The following SHISA9 variants were observed in gnomAD, a reference collection of about 807,000 sequenced individuals.
SHISA9 encodes the protein protein shisa-9.
SHISA9 carries 13 observed loss-of-function variants against 38.0 expected under a neutral mutation model. That is an observed-to-expected ratio of 0.34 (90% CI 0.22 to 0.54). The LOEUF is 0.54. SHISA9 is among the 20% of genes least tolerant of loss of function. The pLI, the probability that SHISA9 is intolerant of heterozygous loss-of-function variation, is 0.91. For missense variants in SHISA9, 538 were observed against 575.8 expected (o/e 0.93, Z 0.67); for synonymous variants, 275 against 242.0 (o/e 1.14, Z -1.27).
chr16:13,211,369 T>C (rs953420082), intron 3 of SHISA9, among the ~76,000 whole-genome samples: 2 of 151,996 alleles, frequency 1.3e-5, no homozygotes, highest in African/African-American at 4.8e-5. Flanking sequence ...TGAACTCTAG[T>C]GTATTTGAGG....
At chr16:13,503,403 T>A in the SHISA9 span, among the ~76,000 whole-genome samples, 1 of 152,228 alleles carries the variant, frequency 6.6e-6, no homozygotes, top group Non-Finnish European at 1.5e-5. Flanking sequence ...TTTTCATGAT[T>A]CTATGAATTG....
chr16:12,902,479 G>A lies in SHISA9; in HGVS notation c.415G>A (p.Asp139Asn). Residue 139 changes from aspartate (D) to asparagine (N), a missense_variant, in exon 1 of 5, where the codon GAC becomes AAC. Transcript: ENST00000558583. ...CACCGGCAAGCCCCCCGCCCGCAAGGACGACCCCTTGCACGACCCCACCAA... is the reference window on the plus strand; with the variant it reads ...CACCGGCAAGCCCCCCGCCCGCAAGAACGACCCCTTGCACGACCCCACCAA... ...LNTGKPPARK[D>N]DPLHDPTKDK... is the part of the protein sequence containing the mutation. 1 of 1,551,496 alleles carries A rather than the reference G, an allele frequency of 6.4e-7. No homozygotes were observed. The highest frequency in any genetic ancestry group is 1.2e-5 in the South Asian group (1 of 84,058).
At chr16:13,329,313 C>T in the SHISA9 span, among the ~76,000 whole-genome samples, 2 of 152,116 alleles carry the variant, frequency 1.3e-5, no homozygotes, top group South Asian at 2.1e-4. Context: ...ATTAAACCTC[C>T]GCTCCTAAAT....
chr16:13,139,394 TTTCCTTCC>T (rs71147783), intron 2 of SHISA9, among the ~76,000 whole-genome samples: 1,504 of 95,048 alleles, frequency 0.016, 19 homozygotes, highest in South Asian at 0.032. Context: ...CCCTTCCTTC[TTTCCTTCC>T]TTCCTTCCTT....
At chr16:13,369,945 C>T in the SHISA9 span, among the ~76,000 whole-genome samples, 4 of 152,134 alleles carry the variant, frequency 2.6e-5, no homozygotes, top group African/African-American at 9.6e-5. Context: ...ATTTAAAGTT[C>T]CTTTTTTATG....
At chr16:13,156,256 A>G (rs979017236) in intron 2 of SHISA9, among the ~76,000 whole-genome samples, 2 of 152,168 alleles carry the variant, frequency 1.3e-5, no homozygotes, top group Admixed American at 6.5e-5. Context: ...ACATGGGTGT[A>G]ACTGGGTGCA....
At chr16:13,421,946 TGCCCATGTGGTGATCTAA>T in the SHISA9 span, among the ~76,000 whole-genome samples, 1 of 152,180 alleles carries the variant, frequency 6.6e-6, no homozygotes, top group South Asian at 2.1e-4. Context: ...GCACAGGAAA[TGCCCATGTGGTGATCTAA>T]GCCCTTTGTG....
At chr16:13,408,164 G>A in the SHISA9 span, among the ~76,000 whole-genome samples, 1 of 152,104 alleles carries the variant, frequency 6.6e-6, no homozygotes, top group Non-Finnish European at 1.5e-5. Context: ...TCTTATATGA[G>A]GAAGAAAAAT....
At chr16:13,215,731 A>G (rs1434213398) in intron 4 of SHISA9, among the ~76,000 whole-genome samples, 1 of 151,968 alleles carries the variant, frequency 6.6e-6, no homozygotes, top group African/African-American at 2.4e-5. Flanking sequence ...TTGTCGGGGG[A>G]GAGGAAAAGT....
chr16:13,324,840 T>C, the SHISA9 span, among the ~76,000 whole-genome samples: 1 of 152,156 alleles, frequency 6.6e-6, no homozygotes, highest in Non-Finnish European at 1.5e-5. Context: ...AAGACATAAA[T>C]CAATATGTGG....
At chr16:13,205,073 T>G (rs1215209945) in intron 3 of SHISA9, among the ~76,000 whole-genome samples, 1 of 152,130 alleles carries the variant, frequency 6.6e-6, no homozygotes, top group East Asian at 1.9e-4. Flanking sequence ...TCAATGGTTC[T>G]CACATGTGGA....
At chr16:12,970,360 TATATATATACATATATATATAC>T (rs2072044669) in intron 2 of SHISA9, among the ~76,000 whole-genome samples, 1 of 73,074 alleles carries the variant, frequency 1.4e-5, no homozygotes, top group African/African-American at 4.6e-5. Context: ...TGTGTATATA[TATATATATACATATATATATAC>T]ATATATGTAT....
At chr16:13,004,970 A>G (rs2072580207) in intron 2 of SHISA9, among the ~76,000 whole-genome samples, 1 of 151,904 alleles carries the variant, frequency 6.6e-6, no homozygotes, top group Non-Finnish European at 1.5e-5. Context: ...AAAAAAAGAA[A>G]GAAAGAAACA....
At chr16:12,964,739 AAT>A (rs1217685522) in intron 2 of SHISA9, among the ~76,000 whole-genome samples, 4 of 152,152 alleles carry the variant, frequency 2.6e-5, no homozygotes, top group Non-Finnish European at 5.9e-5. Flanking sequence ...GAATGTAGGG[AAT>A]TCCTAGCTGT....
the SHISA9 span, among the ~76,000 whole-genome samples, chr16:13,367,836 C>T: frequency 6.6e-6 from 1 of 151,962 alleles, no homozygotes. Flanking sequence ...CATTAGCCTC[C>T]TAGCTCCCAT....
chr16:13,345,156 T>C, the SHISA9 span, among the ~76,000 whole-genome samples: 3 of 152,178 alleles, frequency 2.0e-5, no homozygotes, highest in Admixed American at 2.0e-4. Context: ...GTTTGTTATA[T>C]AGGTAACCTT....
chr16:13,215,866 C>A (rs1482494451), intron 4 of SHISA9, among the ~76,000 whole-genome samples: 2 of 152,120 alleles, frequency 1.3e-5, no homozygotes, highest in Non-Finnish European at 2.9e-5. Flanking sequence ...GTGCCCCCAC[C>A]TTCCACATCC....
At chr16:13,108,960 T>G (rs531908598) in intron 2 of SHISA9, among the ~76,000 whole-genome samples, 1 of 152,134 alleles carries the variant, frequency 6.6e-6, no homozygotes, top group Non-Finnish European at 1.5e-5. Context: ...AATGGATTGT[T>G]TTCTCCAGGG....
the SHISA9 span, among the ~76,000 whole-genome samples, chr16:13,431,305 G>C: frequency 0.014 from 2,069 of 152,280 alleles, 47 homozygotes; most frequent in African/African-American, 0.047. Flanking sequence ...ATGTCTTGGA[G>C]TGGGCAAATA....
Sources: allele counts gnomAD v4.1 joint callset (sites outside exome capture counted in the v4.1 genomes callset), GRCh38; gene constraint gnomAD v4.1.1; transcripts MANE v1.5; gene names NCBI Gene and HGNC (gene_info 2026-07-23, HGNC 2026-07-21).